ITGA9: variants seen among roughly 807,000 people sequenced by gnomAD.
The protein encoded by ITGA9 is integrin alpha-9.
In ITGA9, 56 loss-of-function variants were observed where a neutral mutation model predicts 127.8. The observed-to-expected ratio is 0.44, with a 90% CI of 0.35 to 0.55. The LOEUF is 0.55. Ranked by LOEUF, ITGA9 falls within the 20% of genes least tolerant of loss-of-function variation. The pLI is 0.00. For synonymous variants in ITGA9, 508 were observed against 514.5 expected, an observed-to-expected ratio of 0.99 and a Z score of 0.17; for missense variants, 1,196 against 1,347.1, an observed-to-expected ratio of 0.89 and a Z score of 1.76.
intron 9 of ITGA9, among the ~76,000 whole-genome samples, chr3:37,515,303 A>T (rs1698972880): frequency 6.6e-6 from 1 of 152,214 alleles, no homozygotes; most frequent in Non-Finnish European, 1.5e-5. Flanking sequence ...AAAAAATCGA[A>T]GTGTACTGTT....
intron 15 of ITGA9, among the ~76,000 whole-genome samples, chr3:37,569,879 G>A (rs773372706): frequency 6.6e-6 from 1 of 152,176 alleles, no homozygotes. Flanking sequence ...TTTATTATAT[G>A]GAGATATTTC....
At chr3:37,803,114 A>G (rs1451042290) in intron 26 of ITGA9, among the ~76,000 whole-genome samples, 2 of 152,176 alleles carry the variant, frequency 1.3e-5, no homozygotes, top group African/African-American at 2.4e-5. Flanking sequence ...ATTGAGCTGA[A>G]CACTTGGAAA....
At chr3:37,684,465 T>G (rs1218971298) in intron 18 of ITGA9, among the ~76,000 whole-genome samples, 2 of 152,162 alleles carry the variant, frequency 1.3e-5, no homozygotes, top group Non-Finnish European at 2.9e-5. Context: ...CTTTGGCCTG[T>G]GCTTTGGATT....
chr3:37,473,514 G>A, intron 3 of ITGA9, 54 bp downstream of exon 3: 2 of 1,326,734 alleles, frequency 1.5e-6, no homozygotes, highest in Non-Finnish European at 2.2e-6. Context: ...GAGAATGAAT[G>A]ATCTGTTAGG....
intron 17 of ITGA9, among the ~76,000 whole-genome samples, chr3:37,681,283 A>T (rs904883955): frequency 6.6e-6 from 1 of 152,222 alleles, no homozygotes; most frequent in Non-Finnish European, 1.5e-5. Flanking sequence ...CAACACAGGC[A>T]GGAAACAGAG....
intron 4 of ITGA9, among the ~76,000 whole-genome samples, chr3:37,485,812 A>G (rs543365580): frequency 6.6e-6 from 1 of 152,316 alleles, no homozygotes; most frequent in East Asian, 1.9e-4. Context: ...AACAGAGGAA[A>G]TGGGAAATAA....
At chr3:37,613,996 T>A (rs903263261) in intron 15 of ITGA9, among the ~76,000 whole-genome samples, 4 of 152,214 alleles carry the variant, frequency 2.6e-5, no homozygotes, top group African/African-American at 9.7e-5. Context: ...ATTTTGGCTG[T>A]TGTTGCCATT....
intron 12 of ITGA9, among the ~76,000 whole-genome samples, chr3:37,524,904 T>C (rs943909474): frequency 1.3e-5 from 2 of 152,244 alleles, no homozygotes; most frequent in Non-Finnish European, 2.9e-5. Flanking sequence ...GGTTCTTTTA[T>C]TTTTAAACAT....
intron 16 of ITGA9, among the ~76,000 whole-genome samples, chr3:37,638,363 T>G (rs930289273): frequency 6.6e-6 from 1 of 150,782 alleles, no homozygotes; most frequent in Non-Finnish European, 1.5e-5. Flanking sequence ...AAAGAAAAAA[T>G]TGTTCTTAGA....
intron 10 of ITGA9, among the ~76,000 whole-genome samples, chr3:37,518,812 TC>T (rs1190691037): frequency 8.5e-6 from 1 of 117,290 alleles, no homozygotes; most frequent in East Asian, 3.0e-4. Context: ...TGAGATGGAG[TC>T]TCACTCTGTT....
chr3:37,635,506 A>T (rs1477994784), intron 16 of ITGA9, among the ~76,000 whole-genome samples: 2 of 152,184 alleles, frequency 1.3e-5, no homozygotes, highest in African/African-American at 4.8e-5. Flanking sequence ...CTAAAGTGTG[A>T]TTCCTGAACC....
intron 15 of ITGA9, among the ~76,000 whole-genome samples, chr3:37,624,216 T>TTTTTTC (rs1700155500): frequency 6.8e-6 from 1 of 146,124 alleles, no homozygotes; most frequent in Admixed American, 6.8e-5. Context: ...TTTTTTTTTT[T>TTTTTTC]TTTTTTTAAT....
intron 23 of ITGA9, among the ~76,000 whole-genome samples, chr3:37,759,483 A>G (rs915262621): frequency 1.3e-5 from 2 of 152,240 alleles, no homozygotes; most frequent in South Asian, 2.1e-4. Context: ...TATGACAGCA[A>G]TGATTCATCA....
intron 18 of ITGA9, among the ~76,000 whole-genome samples, chr3:37,690,999 C>T (rs1034228640): frequency 2.6e-5 from 4 of 152,174 alleles, no homozygotes; most frequent in African/African-American, 7.2e-5. Flanking sequence ...GTTTTATACT[C>T]CTTTCCCCAA....
rs1310524573 is a variant in ITGA9, at chr3:37,799,876, T to C, written c.2890-3947T>C. 6.6e-6 allele frequency among the ~76,000 whole-genome samples: 1 copy of C among 152,198 alleles called. No homozygotes were observed. The highest frequency in any genetic ancestry group is 1.9e-4 in the East Asian group (1 of 5,190). On this transcript the variant is annotated intron_variant, in intron 26 of 27. Coordinates refer to ENST00000264741, the MANE Select transcript of ITGA9 (RefSeq NM_002207.3). The surrounding 1 kb of genome is among the most constrained non-coding windows in gnomAD (Gnocchi z 4.0). The stretch of plus-strand genomic sequence containing the variant: ...GGTGATGACGGGACCTGATCATCAG[T>C]GCTTCTTGCCTCTCCATGTCGTCCA...
chr3:37,461,416 T>C (rs1453010471), intron 1 of ITGA9, among the ~76,000 whole-genome samples: 7 of 152,194 alleles, frequency 4.6e-5, no homozygotes, highest in African/African-American at 1.4e-4. Context: ...CCTCATTAGG[T>C]TGGTGGGGGC....
At chr3:37,789,573 C>T (rs1430850712) in intron 26 of ITGA9, among the ~76,000 whole-genome samples, 14 of 147,916 alleles carry the variant, frequency 9.5e-5, no homozygotes, top group East Asian at 2.0e-4. Context: ...TCCTGGCTAA[C>T]GTGGTGTAAC....
chr3:37,570,423 G>A (rs1699589507), intron 15 of ITGA9, among the ~76,000 whole-genome samples: 1 of 152,234 alleles, frequency 6.6e-6, no homozygotes, highest in African/African-American at 2.4e-5. Flanking sequence ...TTGAACAACT[G>A]ATAGGCTTGG....
intron 27 of ITGA9, among the ~76,000 whole-genome samples, chr3:37,811,393 C>A (rs1365576323): frequency 1.3e-5 from 2 of 152,164 alleles, no homozygotes; most frequent in African/African-American, 4.8e-5. Flanking sequence ...GGAGGGATAA[C>A]AACTTTGTGT....
Sources: gnomAD v4.1 joint callset for allele counts (sites outside exome capture counted in the v4.1 genomes callset) on GRCh38, gnomAD v4.1.1 for gene constraint, Gnocchi (gnomAD v3.1) non-coding constraint, MANE v1.5 for transcripts, NCBI Gene and HGNC (gene_info 2026-07-23, HGNC 2026-07-21) for gene names.